NME9: variants seen among roughly 807,000 people sequenced by gnomAD.
The protein encoded by NME9 is thioredoxin domain-containing protein 6.
A neutral mutation model predicts 44.4 loss-of-function variants in NME9; 48 were observed. That is an observed-to-expected ratio of 1.08 (90% confidence interval 0.86 to 1.37). The LOEUF (loss-of-function observed/expected upper bound fraction) is 1.37, where lower values mean the gene tolerates loss of function less well. Ranked by LOEUF, NME9 falls within the 40% of genes most tolerant of loss-of-function variation. The pLI is 0.00. For missense variants in NME9, 325 were observed against 405.2 expected, an observed-to-expected ratio of 0.80 and a Z score of 1.70; for synonymous variants, 139 against 147.1, an observed-to-expected ratio of 0.94 and a Z score of 0.40.
Position 138,281,581 on chromosome 3 carries a change from G to A in NME9, c.746-18995C>T, listed in dbSNP as rs142571783. 7.2e-5 allele frequency among the ~76,000 whole-genome samples: 11 copies of A among 152,202 alleles called. 1 individual carries two copies. The highest frequency in any genetic ancestry group is 1.6e-4 in the Non-Finnish European group (11 of 68,006). On this transcript the variant is annotated intron_variant, in intron 8 of 8. Transcript: ENST00000317876. Reference sequence around the variant, plus strand: ...GCTGGGGTTACAGGTGTGAGCCACCGCCCCGGCCTAATTGATTTCTTTAAG... The same window carrying A: ...GCTGGGGTTACAGGTGTGAGCCACCACCCCGGCCTAATTGATTTCTTTAAG...
chr3:138,299,634 C>A (rs1020236237), downstream of NME9, among the ~76,000 whole-genome samples: 1 of 152,124 alleles, frequency 6.6e-6, no homozygotes, highest in Non-Finnish European at 1.5e-5. Context: ...CCCACAGCAT[C>A]CCTGAGTCAC....
At chr3:138,268,869 A>G (rs559119625) in intron 8 of NME9, among the ~76,000 whole-genome samples, 1 of 152,346 alleles carries the variant, frequency 6.6e-6, no homozygotes, top group South Asian at 2.1e-4. Flanking sequence ...TGACAAAATT[A>G]GAGTATGGGC....
chr3:138,301,420 G>C lies in NME9; in HGVS notation c.*220C>G, dbSNP rs1002848136. On this transcript the variant is annotated 3_prime_UTR_variant, in exon 11 of 11. Transcript: ENST00000333911. ...GGGTTTCACCATGTTGGCTAGGCTG[G>C]TGTCAAACTCCTAATCTCAGGTGAT... 4.7e-6 allele frequency: 4 copies of C among 844,444 alleles called. No homozygotes were observed. Among genetic ancestry groups the C allele is most frequent in the Admixed American group, 7.2e-5 (2 of 27,602 alleles). 52.3% of individuals were successfully genotyped at this position (844,444 alleles called of 1,614,324 possible).
At chr3:138,328,499 A>G (rs963774825) in intron 1 of NME9, among the ~76,000 whole-genome samples, 2 of 152,024 alleles carry the variant, frequency 1.3e-5, no homozygotes, top group Admixed American at 6.6e-5. Flanking sequence ...CAAAACCACT[A>G]ATGCTCTATT....
At chr3:138,312,356 T>C (rs1019938289) in intron 6 of NME9, among the ~76,000 whole-genome samples, 1 of 152,134 alleles carries the variant, frequency 6.6e-6, no homozygotes, top group African/African-American at 2.4e-5. Context: ...TCACACTACC[T>C]GACTTCAGAT....
chr3:138,262,211 A>G (rs1401321621), exon 9 of NME9: 1 of 207,734 alleles, frequency 4.8e-6, no homozygotes, highest in African/African-American at 2.3e-5. Context: ...GGAGTCACAA[A>G]GAGTAGGTAG....
intron 8 of NME9, chr3:138,262,652 A>T: frequency 6.8e-7 from 1 of 1,476,026 alleles, no homozygotes; most frequent in Non-Finnish European, 9.0e-7. Flanking sequence ...ATCTAATTTA[A>T]TTGGTCTGCT....
chr3:138,324,693 TACACACACACACAC>T lies in NME9; in HGVS notation c.91+166_91+179del, dbSNP rs55961241. 1,720 of 533,842 alleles carry T rather than the reference TACACACACACACAC, an allele frequency of 3.2e-3. 1 individual carries two copies. Among genetic ancestry groups the T allele is most frequent in the East Asian group, 9.9e-3 (283 of 28,710 alleles). 33.1% of individuals were successfully genotyped at this position (533,842 alleles called of 1,614,324 possible). A position where few individuals can be genotyped will look rare whatever the true frequency, so the allele number is the denominator to read the frequency against. On this transcript the variant is annotated intron_variant, in intron 2 of 10. Coordinates refer to ENST00000333911, the MANE Select transcript of NME9 (RefSeq NM_001349018.2). Reference sequence around the variant, plus strand: ...TGAATTTACTGATATTCAAGCCAGATACACACACACACACACACACACACACACACACACACACA... The same window carrying T: ...TGAATTTACTGATATTCAAGCCAGATACACACACACACACACACACACACA...
intron 2 of NME9, among the ~76,000 whole-genome samples, chr3:138,322,952 C>G (rs2053563151): frequency 6.6e-6 from 1 of 152,128 alleles, no homozygotes. Flanking sequence ...TTCCAGTTGC[C>G]CAGACAAGAC....
At chr3:138,271,641 G>A (rs1308422514) in intron 8 of NME9, among the ~76,000 whole-genome samples, 1 of 152,200 alleles carries the variant, frequency 6.6e-6, no homozygotes, top group Non-Finnish European at 1.5e-5. Flanking sequence ...TCTGACCTGG[G>A]TCTCTTGACA....
chr3:138,326,698 G>A (rs1350276143), intron 1 of NME9, among the ~76,000 whole-genome samples: 2 of 151,820 alleles, frequency 1.3e-5, no homozygotes, highest in Non-Finnish European at 2.9e-5. Flanking sequence ...GCCTTCCAAA[G>A]TGCTGGGATT....
intron 7 of NME9, 76 bp from the exon 8 acceptor site, chr3:138,306,172 G>C (rs577777337): frequency 1.7e-6 from 2 of 1,147,230 alleles, no homozygotes; most frequent in African/African-American, 3.1e-5. Context: ...TTAGTTGAAA[G>C]GTAAAAAATA....
rs575665093 is a variant in NME9, at chr3:138,289,670, C to T, written c.745+13837G>A. On this transcript the variant is annotated intron_variant, in intron 8 of 8. Transcript: ENST00000317876. ...CCAGGCCAATTAAATCAGAATCTCT[C>T]GGGGTGGGCTCCAGGCATAAGTGGT... Among the ~76,000 whole-genome samples the T allele has an allele frequency of 8.5e-5, 13 of 152,152 alleles. No homozygotes were observed. The South Asian group carries it at 1.0e-3, about 12-fold the overall frequency.
At chr3:138,267,071 G>T in intron 8 of NME9, 1 of 754,022 alleles carries the variant, frequency 1.3e-6, no homozygotes, top group Non-Finnish European at 2.1e-6. Flanking sequence ...AATTGTTCTT[G>T]TTTTTATTTA....
At chr3:138,273,979 G>A (rs2049024230) in intron 8 of NME9, among the ~76,000 whole-genome samples, 1 of 152,128 alleles carries the variant, frequency 6.6e-6, no homozygotes, top group African/African-American at 2.4e-5. Flanking sequence ...ACCATGCCCA[G>A]CTAATTTTTT....
chr3:138,319,034 C>T lies in NME9; in HGVS notation c.195+444G>A, dbSNP rs535964075. Among the ~76,000 whole-genome samples the T allele has an allele frequency of 3.0e-4, 45 of 152,082 alleles. No individual in the cohort carries two copies. The South Asian group carries it at 8.7e-3, about 29-fold the overall frequency. On this transcript the variant is annotated intron_variant, in intron 3 of 10. Transcript: ENST00000333911. ...GCAATATAATTATACCTTGTCTCTA[C>T]AAAAAGTTAAAAAATTAGTCAAGCA... is the stretch of plus-strand genomic sequence containing the variant.
At chr3:138,263,666 T>G in intron 8 of NME9, 1 of 1,241,290 alleles carries the variant, frequency 8.1e-7, no homozygotes. Context: ...GATGTTAACA[T>G]ACTTGCATTT....
At chr3:138,318,326 C>T in intron 3 of NME9, 107 bp from the exon 4 acceptor site, 4 of 745,030 alleles carry the variant, frequency 5.4e-6, no homozygotes, top group Non-Finnish European at 9.8e-6. Context: ...ACTGACTTCC[C>T]CAGGTAGAGC....
intron 9 of NME9, among the ~76,000 whole-genome samples, chr3:138,304,045 A>G (rs1345912070): frequency 1.3e-5 from 2 of 152,216 alleles, no homozygotes; most frequent in African/African-American, 4.8e-5. Flanking sequence ...TAACCTCGTA[A>G]GATAATATTG....
Sources: allele counts gnomAD v4.1 joint callset (sites outside exome capture counted in the v4.1 genomes callset), GRCh38; gene constraint gnomAD v4.1.1; transcripts MANE v1.5; gene names NCBI Gene and HGNC (gene_info 2026-07-23, HGNC 2026-07-21).